Variants in IP6K1 observed in about 807,000 individuals in gnomAD.
IP6K1 encodes inositol hexakisphosphate kinase 1.
A neutral mutation model predicts 38.3 loss-of-function variants in IP6K1; 13 were observed. That is an observed-to-expected ratio of 0.34 (90% CI 0.22 to 0.54). IP6K1 has a LOEUF of 0.54. Among genes scored for constraint, IP6K1 ranks in the 20% least tolerant of loss-of-function variants. The pLI, the probability that IP6K1 is intolerant of heterozygous loss-of-function variation, is 0.92. For synonymous variants in IP6K1, 212 were observed against 229.9 expected (o/e 0.92, Z 0.70); for missense variants, 397 against 599.8 (o/e 0.66, Z 3.53).
Position 49,747,822 on chromosome 3 carries a change from G to C in IP6K1, c.219C>G (p.Tyr73Ter). ...TTAAACTGGCCAGTGACTGACCTTT[G>C]TATTCAGGGGTGAACTCCTTCATTT... ...PPEMKEFTPE[Y>*]KGVVSVCFEG... is the part of the protein sequence containing the mutation. The change falls in exon 2 of 6, where the codon TAC (tyrosine) becomes TAG (stop). Residue 73 changes from tyrosine to a stop codon, truncating the protein, a stop_gained. Coordinates refer to ENST00000321599, the MANE Select transcript of IP6K1 (RefSeq NM_153273.4). LOFTEE classifies it high-confidence loss of function. 6.2e-7 allele frequency: 1 copy of C among 1,614,086 alleles called. No homozygotes were observed. The highest frequency in any genetic ancestry group is 8.5e-7 in the Non-Finnish European group (1 of 1,179,962).
rs914011720 is a variant in IP6K1 at position 49,727,800 on chromosome 3, C to T, written c.793-145G>A. 1.3e-5 allele frequency: 11 copies of T among 861,450 alleles called. No homozygotes were observed. The highest frequency in any genetic ancestry group is 2.9e-5 in the Admixed American group (1 of 34,776). 53.4% of individuals were successfully genotyped at this position (861,450 alleles called of 1,614,324 possible). ...TAAGTGGAACCAGGCAGGCCACATTCACCCTGGGTTTTCCCATTGCAGAAC... is the reference window on the plus strand; with the variant it reads ...TAAGTGGAACCAGGCAGGCCACATTTACCCTGGGTTTTCCCATTGCAGAAC... On this transcript the variant is annotated intron_variant, in intron 5 of 5. Transcript: ENST00000321599. This position sits in a 1 kb window ranked among gnomAD's most constrained non-coding sequence, Gnocchi z 5.9.
At chr3:49,732,295 T>C (rs2080569122) in intron 4 of IP6K1, among the ~76,000 whole-genome samples, 1 of 152,116 alleles carries the variant, frequency 6.6e-6, no homozygotes, top group African/African-American at 2.4e-5. Flanking sequence ...CAAAGTCAAA[T>C]ATATCACCTT....
At chr3:49,735,129 A>G (rs1371716276) in intron 3 of IP6K1, among the ~76,000 whole-genome samples, 1 of 152,196 alleles carries the variant, frequency 6.6e-6, no homozygotes, top group Non-Finnish European at 1.5e-5. Context: ...CCAAGGTGGG[A>G]GGACTGCTTG....
chr3:49,750,829 C>G (rs906800879), intron 1 of IP6K1, among the ~76,000 whole-genome samples: 1 of 152,154 alleles, frequency 6.6e-6, no homozygotes, highest in Non-Finnish European at 1.5e-5. Flanking sequence ...TATTTGTTTC[C>G]ATATGATGTC....
rs548217017 is a variant in IP6K1 at position 49,764,328 on chromosome 3, G to A, written c.-128-16160C>T. ...TTTCAGGAGTTCAATGCTGCAGTGC[G>A]TTATGATTGTACCACTGCACTGCAG... is the stretch of plus-strand genomic sequence containing the variant. On this transcript the variant is annotated intron_variant, in intron 1 of 5. Transcript: ENST00000321599. Among the ~76,000 whole-genome samples the A allele has an allele frequency of 8.5e-5, 13 of 152,104 alleles. 1 individual carries two copies. Among genetic ancestry groups the A allele is most frequent in the African/African-American group, 2.7e-4 (11 of 41,478 alleles).
intron 1 of IP6K1, among the ~76,000 whole-genome samples, chr3:49,774,528 C>T (rs955183082): frequency 6.6e-6 from 1 of 151,144 alleles, no homozygotes; most frequent in African/African-American, 2.4e-5. Context: ...AAAAATAATT[C>T]CTGCCTTCAG....
chr3:49,766,662 T>C (rs1162109725), intron 1 of IP6K1, among the ~76,000 whole-genome samples: 1 of 137,570 alleles, frequency 7.3e-6, no homozygotes, highest in East Asian at 2.2e-4. Context: ...AGACCTCATC[T>C]TAAAAAAAAA....
In IP6K1 at chr3:49,772,222, A is replaced by AT. The variant is rs879565183; in HGVS notation, c.-129+14131_-129+14132insA. On this transcript the variant is annotated intron_variant, in intron 1 of 5. Transcript: ENST00000321599. ...AACAAGACCCTTTCCCTTAAAAAAA[A>AT]AAATATATATATATATATATGTGTG... Among the ~76,000 whole-genome samples, 502 of 137,086 alleles carry AT rather than the reference A, an allele frequency of 3.7e-3. 4 individuals are homozygous for AT. The highest frequency in any genetic ancestry group is 0.031 in the Middle Eastern group (8 of 260). The allele number at this position is 137,086 out of a possible 152,430, so 89.9% of individuals were successfully genotyped here.
At chr3:49,740,146 T>C (rs770171144) in intron 2 of IP6K1, among the ~76,000 whole-genome samples, 1 of 151,686 alleles carries the variant, frequency 6.6e-6, no homozygotes, top group Non-Finnish European at 1.5e-5. Context: ...AGCAAGACCC[T>C]GTCTCTATAA....
chr3:49,748,294 A>G (rs1487908710), intron 1 of IP6K1, 126 bp from the exon 2 acceptor site: 2 of 504,984 alleles, frequency 4.0e-6, no homozygotes, highest in East Asian at 3.5e-5. Context: ...AGCACGTACA[A>G]TACTACGTGG....
chr3:49,772,204 C>A (rs927829339), intron 1 of IP6K1, among the ~76,000 whole-genome samples: 1 of 130,100 alleles, frequency 7.7e-6, no homozygotes, highest in African/African-American at 2.8e-5. Context: ...CAAAACAAGA[C>A]CCTTTCCCTT....
rs368381707 is a variant in IP6K1 at position 49,727,355 on chromosome 3, G to C, written c.1093C>G (p.Leu365Val). Reference sequence around the variant, plus strand: ...CCACAGGATGACGCCACCTCAGGGAGCACCATGTCCAGGTGCTTGAGACGC... The same window carrying C: ...CCACAGGATGACGCCACCTCAGGGACCACCATGTCCAGGTGCTTGAGACGC... ...EMRLKHLDMV[L>V]PEVASSCGPS... The change falls in exon 6 of 6, where the codon CTC becomes GTC. Residue 365 changes from leucine to valine, a missense_variant. Leu to Val is a conservative substitution (Grantham distance 32). Around this residue, in one of 3 missense-constraint regions of IP6K1, gnomAD observed 164 missense variants for 213.5 expected, o/e 0.77. Coordinates refer to ENST00000321599, the MANE Select transcript of IP6K1 (RefSeq NM_153273.4). This position sits in a 1 kb window ranked among gnomAD's most constrained non-coding sequence, Gnocchi z 5.9. 1.2e-6 allele frequency: 2 copies of C among 1,614,106 alleles called. No individual in the cohort carries two copies. The highest frequency in any genetic ancestry group is 2.7e-5 in the African/African-American group (2 of 75,042).
chr3:49,764,798 G>A (rs1174259436), intron 1 of IP6K1, among the ~76,000 whole-genome samples: 1 of 151,584 alleles, frequency 6.6e-6, no homozygotes, highest in Non-Finnish European at 1.5e-5. Context: ...AGAATCACTT[G>A]AGCCTGGGAG....
At chr3:49,777,733 T>C (rs1351342845) in intron 1 of IP6K1, among the ~76,000 whole-genome samples, 1 of 149,352 alleles carries the variant, frequency 6.7e-6, no homozygotes, top group Non-Finnish European at 1.5e-5. Flanking sequence ...GCTAACATGG[T>C]GAAACCTTGT....
At chr3:49,747,228 A>T (rs2080728018) in intron 2 of IP6K1, among the ~76,000 whole-genome samples, 1 of 152,244 alleles carries the variant, frequency 6.6e-6, no homozygotes, top group Non-Finnish European at 1.5e-5. Context: ...CAATCATAAA[A>T]ATTTATAAAC....
At chr3:49,736,588 T>C (rs1023959350) in intron 3 of IP6K1, among the ~76,000 whole-genome samples, 2 of 152,180 alleles carry the variant, frequency 1.3e-5, no homozygotes, top group African/African-American at 4.8e-5. Flanking sequence ...ATTACATGGA[T>C]ATACCATATT....
intron 1 of IP6K1, among the ~76,000 whole-genome samples, chr3:49,783,150 C>T (rs1237741713): frequency 1.3e-5 from 2 of 151,074 alleles, no homozygotes; most frequent in African/African-American, 4.9e-5. Context: ...CATGGTGGCT[C>T]ATGCCTGTAA....
At position 49,727,294 on chromosome 3, in the gene IP6K1, G is replaced by A. The variant is rs756964359; in HGVS notation, c.1154C>T (p.Ala385Val). The change falls in exon 6 of 6, where the codon GCG becomes GTG. Residue 385 changes from alanine (A) to valine (V), a missense_variant. Around this residue, in one of 3 missense-constraint regions of IP6K1, gnomAD observed 164 missense variants for 213.5 expected, o/e 0.77. Transcript: ENST00000321599. This position sits in a 1 kb window ranked among gnomAD's most constrained non-coding sequence, Gnocchi z 5.9. ...CACCTTGGGCTGAGAGGAGGGACCC[G>A]CCTCGGGGCTGGTGTTGCTGGGGCT... Reference protein sequence around the residue: ...STSPSNTSPEAGPSSQPKVDV... With the variant: ...STSPSNTSPEVGPSSQPKVDV... 2.9e-5 allele frequency: 47 copies of A among 1,614,190 alleles called. No individual in the cohort carries two copies. In the Middle Eastern group the frequency reaches 4.9e-4, roughly 17 times the overall value.
At chr3:49,778,289 C>A (rs2081036486) in intron 1 of IP6K1, among the ~76,000 whole-genome samples, 1 of 149,820 alleles carries the variant, frequency 6.7e-6, no homozygotes, top group African/African-American at 2.5e-5. Context: ...CGCGCCACTG[C>A]ACTCCAGCCT....
Sources: allele counts gnomAD v4.1 joint callset (sites outside exome capture counted in the v4.1 genomes callset), GRCh38; gene constraint gnomAD v4.1.1; regional missense constraint gnomAD v4.1.1; non-coding constraint Gnocchi (gnomAD v3.1); transcripts MANE v1.5; gene names NCBI Gene and HGNC (gene_info 2026-07-23, HGNC 2026-07-21).